OSCAR: variants seen among roughly 807,000 people sequenced by gnomAD.
OSCAR encodes osteoclast-associated immunoglobulin-like receptor.
In OSCAR, 25 loss-of-function variants were observed where a neutral mutation model predicts 27.3. The ratio of observed to expected loss-of-function variants is 0.92; its 90% CI spans 0.67 to 1.28. The LOEUF (loss-of-function observed/expected upper bound fraction) is 1.28, where lower values mean the gene tolerates loss of function less well. OSCAR is among the 50% of genes most tolerant of loss of function. The pLI is 0.00. For synonymous variants in OSCAR, 158 were observed against 165.7 expected (o/e 0.95, Z 0.36); for missense variants, 354 against 355.1 (o/e 1.00, Z 0.03).
In OSCAR at chr19:54,099,543, C is replaced by T. The variant is rs587598325; in HGVS notation, c.70+205G>A. 430 of 1,510,722 alleles carry T rather than the reference C, an allele frequency of 2.8e-4. 3 individuals carry two copies. The South Asian group carries it at 4.7e-3, about 16-fold the overall frequency. The allele number at this position is 1,510,722 out of a possible 1,614,324, so 93.6% of individuals were successfully genotyped here. On this transcript the variant is annotated intron_variant, in intron 2 of 4. Transcript: ENST00000358375. ...ATGAATACGATGGTGAAACTGAGGT[C>T]CTAGCTTAGGCCTCTGCCTCAGAAG...
chr19:54,097,926 C>T (rs1179784834), intron 2 of OSCAR, among the ~76,000 whole-genome samples: 1 of 151,952 alleles, frequency 6.6e-6, no homozygotes, highest in African/African-American at 2.4e-5. Context: ...AATAGCTTTC[C>T]AGAATATTTG....
chr19:54,095,199 C>T lies in OSCAR; in HGVS notation c.*22G>A, dbSNP rs1224838717. On this transcript the variant is annotated 3_prime_UTR_variant, in exon 5 of 5. Coordinates refer to ENST00000358375, the MANE Select transcript of OSCAR (RefSeq NM_133169.6). The stretch of plus-strand genomic sequence containing the variant: ...TCTCCGCCACTCAGGTTGGAAGTCT[C>T]GGGCTGCAGTGCTCCTGGGGCTCAG... 15 of 1,605,158 alleles carry T rather than the reference C, an allele frequency of 9.3e-6. No individual in the cohort carries two copies. The highest frequency in any genetic ancestry group is 1.1e-5 in the Non-Finnish European group (13 of 1,175,498).
chr19:54,096,854 G>A lies in OSCAR; in HGVS notation c.373+8C>T. On this transcript the variant is annotated splice_region_variant and intron_variant, in intron 3 of 4. Transcript: ENST00000358375. Reference sequence around the variant, plus strand: ...ACCCACTTCTCCTCCCCGACCCCAGGACCTCACCTGTCACCAGCAGCTCCA... The same window carrying A: ...ACCCACTTCTCCTCCCCGACCCCAGAACCTCACCTGTCACCAGCAGCTCCA... 1 of 1,610,496 alleles carries A rather than the reference G, an allele frequency of 6.2e-7. No homozygotes were observed. Among genetic ancestry groups the A allele is most frequent in the Non-Finnish European group, 8.5e-7 (1 of 1,177,930 alleles).
rs749901693 is a variant in OSCAR at position 54,097,008 on chromosome 19, CG to C, written c.226del (p.Arg76GlyfsTer15). ...KPGEIAPLLF[R>X]DVSSELAEFF... ...TTCTGCCAGCTCGGAGGACACATCC[CG>C]GAAGAGAAGGGGAGCGATCTCTCCA... On this transcript the variant is annotated frameshift_variant, in exon 3 of 5. Transcript: ENST00000358375. LOFTEE classifies it high-confidence loss of function. The C allele has an allele frequency of 7.9e-5, 128 of 1,614,020 alleles. No individual in the cohort carries two copies. Among genetic ancestry groups the C allele is most frequent in the Non-Finnish European group, 1.1e-4 (124 of 1,180,028 alleles).
chr19:54,095,564 G>A, intron 4 of OSCAR: 3 of 1,291,918 alleles, frequency 2.3e-6, no homozygotes, highest in Admixed American at 3.7e-5. Context: ...GAGGGGCTGG[G>A]GGCCTGGAGT....
intron 2 of OSCAR, among the ~76,000 whole-genome samples, chr19:54,099,059 T>TTTTG (rs1271480652): frequency 3.3e-5 from 5 of 149,366 alleles, no homozygotes; most frequent in South Asian, 4.2e-4. Flanking sequence ...AAAGAGTTTT[T>TTTTG]TTTGTTTGTT....
At chr19:54,099,044 C>T (rs183269267) in intron 2 of OSCAR, among the ~76,000 whole-genome samples, 70 of 60,822 alleles carry the variant, frequency 1.2e-3, no homozygotes, top group African/African-American at 7.3e-3. Context: ...ACTGAAATAT[C>T]TCCAAAAGAG....
rs1163141654 is a variant in OSCAR at position 54,095,216 on chromosome 19, G to C, written c.*5C>G. ...GGAAGTCTCGGGCTGCAGTGCTCCT[G>C]GGGCTCAGGGGCGGATACCAGCAGG... On this transcript the variant is annotated 3_prime_UTR_variant, in exon 5 of 5. Coordinates refer to ENST00000358375, the MANE Select transcript of OSCAR (RefSeq NM_133169.6). 5.0e-6 allele frequency: 8 copies of C among 1,610,664 alleles called. No individual in the cohort carries two copies. Among genetic ancestry groups the C allele is most frequent in the Non-Finnish European group, 6.8e-6 (8 of 1,178,626 alleles).
Position 54,096,880 on chromosome 19 carries a change from G to A in OSCAR, c.355C>T (p.Leu119=), listed in dbSNP as rs758360194. The change falls in exon 3 of 5, where the codon CTG becomes TTG. Residue 119 remains leucine (L), a synonymous_variant. Coordinates refer to ENST00000358375, the MANE Select transcript of OSCAR (RefSeq NM_133169.6). Reference sequence around the variant, plus strand: ...ACCTCACCTGTCACCAGCAGCTCCAGGACATCGCTGGGCTGGGACCAGACA... The same window carrying A: ...ACCTCACCTGTCACCAGCAGCTCCAAGACATCGCTGGGCTGGGACCAGACA... ...PGVWSQPSDV[L]ELLVTEELPR... 3 of 1,613,684 alleles carry A rather than the reference G, an allele frequency of 1.9e-6. No individual in the cohort carries two copies. The highest frequency in any genetic ancestry group is 1.7e-4 in the Middle Eastern group (1 of 5,998).
At position 54,097,028 on chromosome 19, in the gene OSCAR, C is replaced by G; in HGVS notation, c.207G>C (p.Glu69Asp). Residue 69 changes from glutamate to aspartate, a missense_variant, in exon 3 of 5, where the codon GAG becomes GAC. Coordinates refer to ENST00000358375, the MANE Select transcript of OSCAR (RefSeq NM_133169.6). ...AWRFGLFKPG[E>D]IAPLLFRDVS... ...CATCCCGGAAGAGAAGGGGAGCGATCTCTCCAGGCTTGAAAAGTCCAAATC... is the reference window on the plus strand; with the variant it reads ...CATCCCGGAAGAGAAGGGGAGCGATGTCTCCAGGCTTGAAAAGTCCAAATC... 6.2e-7 allele frequency: 1 copy of G among 1,614,218 alleles called. No individual in the cohort carries two copies. Among genetic ancestry groups the G allele is most frequent in the Middle Eastern group, 1.6e-4 (1 of 6,062 alleles).
chr19:54,095,582 C>CT (rs2072602909), intron 4 of OSCAR: 1 of 1,223,528 alleles, frequency 8.2e-7, no homozygotes, highest in African/African-American at 1.5e-5. Context: ...AGTCCTGGGT[C>CT]CAGGAAGGAG....
At chr19:54,097,217 TGAAAG>T in intron 2 of OSCAR, 53 bp from the exon 3 acceptor site, 1 of 1,529,362 alleles carries the variant, frequency 6.5e-7, no homozygotes, top group Middle Eastern at 2.0e-4. Context: ...CCCCAGAAGA[TGAAAG>T]GGAAGTTGGG....
At chr19:54,100,214 A>T (rs1439695440) in intron 1 of OSCAR, among the ~76,000 whole-genome samples, 13 of 152,122 alleles carry the variant, frequency 8.5e-5, no homozygotes, top group African/African-American at 1.4e-4. Context: ...GGAAATGAGA[A>T]TCTTATCCCT....
intron 2 of OSCAR, among the ~76,000 whole-genome samples, chr19:54,099,111 G>GGC: frequency 6.6e-6 from 1 of 151,656 alleles, no homozygotes; most frequent in African/African-American, 2.4e-5. Flanking sequence ...CACCCAGGCT[G>GGC]GAGTGCAGTG....
intron 2 of OSCAR, among the ~76,000 whole-genome samples, chr19:54,099,244 T>TGTTTTTGTTTTTG (rs1568546064): frequency 7.5e-6 from 1 of 133,196 alleles, no homozygotes; most frequent in Admixed American, 8.4e-5. Context: ...TTTTTTTTTT[T>TGTTTTTGTTTTTG]TTTTTTTTTA....
At chr19:54,098,710 G>T (rs945129087) in intron 2 of OSCAR, among the ~76,000 whole-genome samples, 19 of 151,864 alleles carry the variant, frequency 1.3e-4, no homozygotes, top group Non-Finnish European at 5.9e-5. Flanking sequence ...TAAGGGTCGG[G>T]TGAGGGGGCT....
chr19:54,099,914 G>A, intron 1 of OSCAR, 134 bp from the exon 2 acceptor site: 1 of 1,050,762 alleles, frequency 9.5e-7, no homozygotes, highest in South Asian at 1.7e-5. Flanking sequence ...CCAGGTTCAA[G>A]TGATTCTCCT....
In OSCAR at chr19:54,096,121, G is replaced by A; in HGVS notation, c.406C>T (p.Pro136Ser). The change falls in exon 4 of 5, where the codon CCC becomes TCC. Residue 136 changes from proline (P) to serine (S), a missense_variant. Coordinates refer to ENST00000358375, the MANE Select transcript of OSCAR (RefSeq NM_133169.6). ...GCGCCAGGACCCACCACCGGCCCGGGCAGCGCCACCAGCGACGGCCGCGGC... is the reference window on the plus strand; with the variant it reads ...GCGCCAGGACCCACCACCGGCCCGGACAGCGCCACCAGCGACGGCCGCGGC... ...ELPRPSLVAL[P>S]GPVVGPGANV... 2 of 1,527,136 alleles carry A rather than the reference G, an allele frequency of 1.3e-6. No individual in the cohort carries two copies. Among genetic ancestry groups the A allele is most frequent in the African/African-American group, 1.4e-5 (1 of 71,898 alleles). 94.6% of individuals were successfully genotyped at this position (1,527,136 alleles called of 1,614,324 possible).
intron 3 of OSCAR, among the ~76,000 whole-genome samples, chr19:54,096,556 C>G (rs372658936): frequency 0.046 from 3,061 of 66,632 alleles, 6 homozygotes; most frequent in African/African-American, 0.13. Context: ...CTCTCTGCCT[C>G]CCTCTCTCTC....
Sources: gnomAD v4.1 joint callset for allele counts (sites outside exome capture counted in the v4.1 genomes callset) on GRCh38, gnomAD v4.1.1 for gene constraint, MANE v1.5 for transcripts, NCBI Gene and HGNC (gene_info 2026-07-23, HGNC 2026-07-21) for gene names.